Variants in NLK observed in about 807,000 individuals in gnomAD.
NLK encodes nemo like kinase.
Under a neutral mutation model 59.0 loss-of-function variants are expected in NLK, and 11 were observed. The ratio of observed to expected loss-of-function variants is 0.19; its 90% CI spans 0.12 to 0.31. NLK has a LOEUF of 0.31. Ranked by LOEUF, NLK falls within the 10% of genes least tolerant of loss-of-function variation. The pLI, the probability that NLK is intolerant of heterozygous loss-of-function variation, is 1.00. For synonymous variants in NLK, 235 were observed against 235.9 expected (o/e 1.00, Z 0.03); for missense variants, 410 against 661.1 (o/e 0.62, Z 4.16).
At chr17:28,106,749 A>T (rs1435692320) in intron 1 of NLK, among the ~76,000 whole-genome samples, 2 of 152,230 alleles carry the variant, frequency 1.3e-5, no homozygotes, top group Non-Finnish European at 2.9e-5. Context: ...CAACCAAATG[A>T]AAAAGAGAAA....
At chr17:28,105,694 C>A (rs941870083) in intron 1 of NLK, among the ~76,000 whole-genome samples, 1 of 152,206 alleles carries the variant, frequency 6.6e-6, no homozygotes, top group Non-Finnish European at 1.5e-5. Context: ...ATAAAGAAGA[C>A]CTGGTGATTC....
chr17:28,127,897 T>G (rs913597476), intron 2 of NLK, among the ~76,000 whole-genome samples: 5 of 152,074 alleles, frequency 3.3e-5, no homozygotes, highest in African/African-American at 1.2e-4. Flanking sequence ...GCACAAGATA[T>G]GGAGCCAGAA....
chr17:28,186,504 T>C (rs886773482), intron 8 of NLK, among the ~76,000 whole-genome samples: 4 of 152,160 alleles, frequency 2.6e-5, no homozygotes, highest in Admixed American at 2.6e-4. Context: ...GATAAAGACA[T>C]ACCCAAGACT....
chr17:28,112,898 G>A (rs1158495308), intron 1 of NLK, among the ~76,000 whole-genome samples: 1 of 152,040 alleles, frequency 6.6e-6, no homozygotes, highest in East Asian at 1.9e-4. Context: ...TAAGCAAGCA[G>A]ATTCCTTTGG....
the NLK span, among the ~76,000 whole-genome samples, chr17:28,205,179 T>G: frequency 6.6e-6 from 1 of 152,260 alleles, no homozygotes; most frequent in Non-Finnish European, 1.5e-5. Context: ...AAAACTGGGC[T>G]AATGATGGCA....
At chr17:28,088,088 C>T (rs1377087688) in intron 1 of NLK, among the ~76,000 whole-genome samples, 2 of 152,180 alleles carry the variant, frequency 1.3e-5, no homozygotes, top group Non-Finnish European at 2.9e-5. Context: ...CTGTATGTTA[C>T]TGGTTGCATC....
At chr17:28,123,683 TTAAGG>T (rs1906168655) in intron 2 of NLK, among the ~76,000 whole-genome samples, 1 of 152,160 alleles carries the variant, frequency 6.6e-6, no homozygotes, top group African/African-American at 2.4e-5. Flanking sequence ...AGTACATCCC[TTAAGG>T]TAACATAGGC....
chr17:28,117,273 T>A (rs1164587268), intron 1 of NLK, among the ~76,000 whole-genome samples: 1 of 152,176 alleles, frequency 6.6e-6, no homozygotes, highest in Non-Finnish European at 1.5e-5. Context: ...CCACAAGAAT[T>A]AGCATAAAAT....
At chr17:28,107,498 T>C (rs1905235270) in intron 1 of NLK, among the ~76,000 whole-genome samples, 1 of 152,046 alleles carries the variant, frequency 6.6e-6, no homozygotes, top group African/African-American at 2.4e-5. Flanking sequence ...ACCCAGAGGT[T>C]ACCCAGTTTA....
intron 3 of NLK, among the ~76,000 whole-genome samples, chr17:28,153,025 G>C (rs747552533): frequency 2.0e-5 from 3 of 151,538 alleles, no homozygotes; most frequent in African/African-American, 7.3e-5. Flanking sequence ...TGTAATCCCA[G>C]CACTTTGGGA....
At chr17:28,186,688 A>G (rs1300823420) in intron 8 of NLK, among the ~76,000 whole-genome samples, 3 of 152,196 alleles carry the variant, frequency 2.0e-5, no homozygotes, top group South Asian at 2.1e-4. Flanking sequence ...TAATCTGGTC[A>G]GATCTCATGA....
At chr17:28,090,266 C>T (rs995310402) in intron 1 of NLK, among the ~76,000 whole-genome samples, 2 of 152,214 alleles carry the variant, frequency 1.3e-5, no homozygotes, top group Admixed American at 6.5e-5. Flanking sequence ...CTACTGCTGT[C>T]ATACATTTCA....
Position 28,072,037 on chromosome 17 carries a change from G to C in NLK, c.458+28706G>C, listed in dbSNP as rs113413523. On this transcript the variant is annotated intron_variant, in intron 1 of 10. Transcript: ENST00000407008. Reference sequence around the variant, plus strand: ...TAACCAACCAACCACCCAACAAAAAGTATGATTTCATTGCTTATCTAACCT... The same window carrying C: ...TAACCAACCAACCACCCAACAAAAACTATGATTTCATTGCTTATCTAACCT... 8.3e-3 allele frequency among the ~76,000 whole-genome samples: 1,260 copies of C among 152,250 alleles called. 19 individuals carry two copies. Among genetic ancestry groups the C allele is most frequent in the African/African-American group, 0.029 (1,192 of 41,538 alleles).
intron 1 of NLK, among the ~76,000 whole-genome samples, chr17:28,055,078 T>C (rs1349932029): frequency 6.6e-6 from 1 of 151,676 alleles, no homozygotes; most frequent in Non-Finnish European, 1.5e-5. Context: ...GTAGGGTTGT[T>C]GTGGGGATTT....
At chr17:28,044,780 GT>G (rs2142728343) in intron 1 of NLK, among the ~76,000 whole-genome samples, 1 of 152,284 alleles carries the variant, frequency 6.6e-6, no homozygotes, top group East Asian at 1.9e-4. Flanking sequence ...TTGTTCCTTG[GT>G]TTAAATTTTG....
intron 1 of NLK, among the ~76,000 whole-genome samples, chr17:28,051,553 T>C (rs1316022767): frequency 2.0e-5 from 3 of 152,034 alleles, no homozygotes; most frequent in African/African-American, 7.2e-5. Context: ...GAGACGGGGT[T>C]TCACCATGTT....
rs543574401 is a variant in NLK, at chr17:28,188,249, C to T, written c.1237-2772C>T. On this transcript the variant is annotated intron_variant, in intron 8 of 10. Coordinates refer to ENST00000407008, the MANE Select transcript of NLK (RefSeq NM_016231.5). ...AAATTAATTTATTTAATGCACACTA[C>T]ATAATAATTAACCATTTTTATCACT... Among the ~76,000 whole-genome samples the T allele has an allele frequency of 2.6e-5, 4 of 152,294 alleles. No individual in the cohort carries two copies. In the South Asian group the frequency reaches 8.3e-4, roughly 32 times the overall value.
chr17:28,199,091 A>C (rs1909555554), downstream of NLK, among the ~76,000 whole-genome samples: 1 of 152,216 alleles, frequency 6.6e-6, no homozygotes, highest in Non-Finnish European at 1.5e-5. Context: ...ACTTTCCAGT[A>C]GTTTATATGG....
intron 1 of NLK, among the ~76,000 whole-genome samples, chr17:28,101,462 T>G (rs1226398576): frequency 6.6e-6 from 1 of 152,220 alleles, no homozygotes; most frequent in East Asian, 1.9e-4. Context: ...CTTTGCAATG[T>G]TTTGTATTTC....
Sources: gnomAD v4.1 joint callset for allele counts (sites outside exome capture counted in the v4.1 genomes callset) on GRCh38, gnomAD v4.1.1 for gene constraint, MANE v1.5 for transcripts, NCBI Gene and HGNC (gene_info 2026-07-23, HGNC 2026-07-21) for gene names.